Variants in ZNF138 observed in about 807,000 individuals in gnomAD.
ZNF138 encodes zinc finger protein 138 (clone pHZ-32).
Under a neutral mutation model 33.0 loss-of-function variants are expected in ZNF138, and 33 were observed. The ratio of observed to expected loss-of-function variants is 1.00; its 90% CI spans 0.76 to 1.34. ZNF138 has a LOEUF of 1.34. Ranked by LOEUF, ZNF138 falls within the 40% of genes most tolerant of loss-of-function variation. The pLI is 0.00. For synonymous variants in ZNF138, 139 were observed against 120.4 expected (o/e 1.15, Z -1.01); for missense variants, 360 against 370.8 (o/e 0.97, Z 0.24).
At chr7:64,847,583 A>G in the ZNF138 span, among the ~76,000 whole-genome samples, 2 of 152,032 alleles carry the variant, frequency 1.3e-5, no homozygotes, top group African/African-American at 2.4e-5. Flanking sequence ...CTGTTGAACA[A>G]GGCCTTTTAT....
At chr7:64,800,853 G>A (rs1583775712) in intron 1 of ZNF138, among the ~76,000 whole-genome samples, 1 of 152,014 alleles carries the variant, frequency 6.6e-6, no homozygotes, top group African/African-American at 2.4e-5. Flanking sequence ...TACTAATTCA[G>A]TTCTGTAGTT....
At chr7:64,853,480 T>G in the ZNF138 span, 3 of 510,040 alleles carry the variant, frequency 5.9e-6, no homozygotes, top group Non-Finnish European at 3.5e-6. Context: ...ATATATGAGA[T>G]CATGTAGTAT....
chr7:64,814,827 A>T, intron 1 of ZNF138, 91 bp from the exon 2 acceptor site: 1 of 1,512,284 alleles, frequency 6.6e-7, no homozygotes, highest in Non-Finnish European at 9.1e-7. Flanking sequence ...AGTTTTCCTT[A>T]CTGTCTTATT....
At chr7:64,840,053 C>T in the ZNF138 span, among the ~76,000 whole-genome samples, 8 of 151,872 alleles carry the variant, frequency 5.3e-5, no homozygotes, top group African/African-American at 1.7e-4. Context: ...AGTGGGCATG[C>T]GCGTTAGTCG....
intron 3 of ZNF138, among the ~76,000 whole-genome samples, chr7:64,825,422 T>G (rs11979200): frequency 6.6e-6 from 1 of 151,350 alleles, no homozygotes; most frequent in African/African-American, 2.4e-5. Flanking sequence ...CTGCCCACCT[T>G]GGCCTCCCAA....
At chr7:64,810,455 G>GGGGGA (rs1554365365) in intron 1 of ZNF138, among the ~76,000 whole-genome samples, 1 of 142,832 alleles carries the variant, frequency 7.0e-6, no homozygotes, top group Non-Finnish European at 1.6e-5. Context: ...GAGAGGGAGA[G>GGGGGA]GGGGAGGGGG....
At chr7:64,853,381 G>GCTGGGCCCCACTCTCCTCACAT in the ZNF138 span, 1 of 1,270,068 alleles carries the variant, frequency 7.9e-7, no homozygotes, top group Non-Finnish European at 1.1e-6. Flanking sequence ...TCTCCTCACA[G>GCTGGGCCCCACTCTCCTCACAT]CTCAGCCCCT....
At chr7:64,831,195 CTT>C in intron 3 of ZNF138, 1 of 1,350,516 alleles carries the variant, frequency 7.4e-7, no homozygotes, top group South Asian at 1.4e-5. Flanking sequence ...ATGTAACAGA[CTT>C]TTCTCTCTCT....
At chr7:64,845,549 A>G in the ZNF138 span, among the ~76,000 whole-genome samples, 1 of 152,358 alleles carries the variant, frequency 6.6e-6, no homozygotes, top group African/African-American at 2.4e-5. Flanking sequence ...CCAGCAGTGT[A>G]GAAGTGTTCC....
downstream of ZNF138, among the ~76,000 whole-genome samples, chr7:64,837,320 G>C (rs754560851): frequency 6.6e-6 from 1 of 152,116 alleles, no homozygotes; most frequent in South Asian, 2.1e-4. Flanking sequence ...TTGCCTGGAG[G>C]TCTTTTACTA....
downstream of ZNF138, among the ~76,000 whole-genome samples, chr7:64,837,332 T>A (rs1397116822): frequency 1.3e-5 from 2 of 152,084 alleles, no homozygotes; most frequent in Non-Finnish European, 2.9e-5. Context: ...CTTTTACTAG[T>A]ACCTGATCTT....
intron 1 of ZNF138, among the ~76,000 whole-genome samples, chr7:64,811,727 A>C (rs369103138): frequency 2.7e-4 from 41 of 152,316 alleles, no homozygotes; most frequent in East Asian, 9.6e-4. Context: ...TTGTCCTAGA[A>C]GTATTTGTAT....
At chr7:64,836,567 C>G (rs181778029), downstream of ZNF138, 67 of 152,358 alleles carry the variant, frequency 4.4e-4, no homozygotes, top group African/African-American at 1.6e-3. Context: ...TCCTAAGGGT[C>G]AGAGATTTGG....
intron 1 of ZNF138, among the ~76,000 whole-genome samples, chr7:64,798,637 G>A (rs1786886569): frequency 6.6e-6 from 1 of 152,080 alleles, no homozygotes; most frequent in Admixed American, 6.6e-5. Flanking sequence ...AAAATAGTCG[G>A]ACATGGTGGC....
At chr7:64,809,677 C>T (rs1252436885) in intron 1 of ZNF138, among the ~76,000 whole-genome samples, 2 of 147,696 alleles carry the variant, frequency 1.4e-5, no homozygotes, top group Admixed American at 6.7e-5. Context: ...TGCTGCCGGG[C>T]GGAGGGGCTC....
chr7:64,802,900 TTTGTC>T (rs924386767), intron 1 of ZNF138, among the ~76,000 whole-genome samples: 7 of 151,944 alleles, frequency 4.6e-5, no homozygotes, highest in Middle Eastern at 3.4e-3. Context: ...CCTGCCTCGT[TTTGTC>T]TTGTCTTATG....
At chr7:64,806,530 C>T (rs1401156048) in intron 1 of ZNF138, among the ~76,000 whole-genome samples, 3 of 152,166 alleles carry the variant, frequency 2.0e-5, no homozygotes, top group African/African-American at 7.2e-5. Context: ...CATCCAGTAC[C>T]TAAATTTGCA....
chr7:64,851,042 A>G, the ZNF138 span, among the ~76,000 whole-genome samples: 1 of 152,222 alleles, frequency 6.6e-6, no homozygotes, highest in South Asian at 2.1e-4. Flanking sequence ...TGTATATAGT[A>G]TGAAATGATT....
the ZNF138 span, among the ~76,000 whole-genome samples, chr7:64,847,333 T>TATATATATATATA: frequency 1.7e-3 from 151 of 90,904 alleles, no homozygotes; most frequent in African/African-American, 6.2e-3. Context: ...TATATATATA[T>TATATATATATATA]TTTTTTTTTT....
Sources: allele counts gnomAD v4.1 joint callset (sites outside exome capture counted in the v4.1 genomes callset), GRCh38; gene constraint gnomAD v4.1.1; transcripts MANE v1.5; gene names NCBI Gene and HGNC (gene_info 2026-07-23, HGNC 2026-07-21).